The following MEMO1 variants were observed in gnomAD, a reference collection of about 807,000 sequenced individuals.
MEMO1 encodes the protein protein MEMO1.
In MEMO1, 6 loss-of-function variants were observed where a neutral mutation model predicts 45.2. The observed-to-expected ratio is 0.13, with a 90% CI of 0.07 to 0.26. The LOEUF (loss-of-function observed/expected upper bound fraction) is 0.26, where lower values mean the gene tolerates loss of function less well. Among genes scored for constraint, MEMO1 ranks in the 10% least tolerant of loss-of-function variants. The probability of loss-of-function intolerance (pLI) is 1.00; values close to 1 mark genes in which losing one functional copy is unlikely to be tolerated. For missense variants in MEMO1, 184 were observed against 370.5 expected (o/e 0.50, Z 4.13); for synonymous variants, 78 against 124.3 (o/e 0.63, Z 2.48).
intron 2 of MEMO1, among the ~76,000 whole-genome samples, chr2:31,969,077 C>A (rs767335299): frequency 1.3e-5 from 2 of 151,640 alleles, no homozygotes; most frequent in African/African-American, 4.8e-5. Flanking sequence ...TATGGACAAA[C>A]CAATTTTCCC....
In MEMO1 at chr2:31,963,143, A is replaced by G. The variant is rs537400490; in HGVS notation, c.62-19760T>C. The G allele has an allele frequency of 9.9e-6, 15 of 1,517,360 alleles. No homozygotes were observed. The African/African-American group carries it at 2.1e-4, about 21-fold the overall frequency. 94.0% of individuals were successfully genotyped at this position (1,517,360 alleles called of 1,614,324 possible). On this transcript the variant is annotated intron_variant, in intron 2 of 9. Transcript: ENST00000404530. ...TACACCATTAGCTCTCCCATTTCTTAGGGCTTCAGACTCAAAGTGAAACCG... is the reference window on the plus strand; with the variant it reads ...TACACCATTAGCTCTCCCATTTCTTGGGGCTTCAGACTCAAAGTGAAACCG...
At chr2:31,916,052 G>C (rs1681387652) in intron 6 of MEMO1, among the ~76,000 whole-genome samples, 1 of 152,008 alleles carries the variant, frequency 6.6e-6, no homozygotes, top group Non-Finnish European at 1.5e-5. Flanking sequence ...TAGTTTATTT[G>C]ATACTATTTA....
intron 2 of MEMO1, among the ~76,000 whole-genome samples, chr2:31,993,054 T>A (rs889601756): frequency 2.0e-5 from 3 of 152,128 alleles, no homozygotes; most frequent in African/African-American, 7.2e-5. Flanking sequence ...ATGCCTCTAG[T>A]CCCAGCTATT....
chr2:31,881,926 C>A (rs986656128), intron 8 of MEMO1, among the ~76,000 whole-genome samples: 5 of 152,178 alleles, frequency 3.3e-5, no homozygotes, highest in Non-Finnish European at 5.9e-5. Flanking sequence ...TGGCAGATCA[C>A]TTCTGCTCAG....
chr2:31,897,584 A>C (rs1181231196), intron 6 of MEMO1, among the ~76,000 whole-genome samples: 1 of 152,126 alleles, frequency 6.6e-6, no homozygotes, highest in Non-Finnish European at 1.5e-5. Flanking sequence ...ATCTTGATGG[A>C]TATGCGTTTT....
intron 7 of MEMO1, among the ~76,000 whole-genome samples, chr2:31,888,116 T>C (rs1385249070): frequency 6.6e-6 from 1 of 152,136 alleles, no homozygotes; most frequent in African/African-American, 2.4e-5. Context: ...AGTAAACTTA[T>C]CTAAACTGAT....
intron 2 of MEMO1, among the ~76,000 whole-genome samples, chr2:31,950,949 C>G (rs557630802): frequency 2.0e-4 from 30 of 152,216 alleles, no homozygotes; most frequent in African/African-American, 7.0e-4. Context: ...TCCTTCATAC[C>G]ATTAAGAGAA....
chr2:31,945,587 G>C (rs1240937045), intron 2 of MEMO1, among the ~76,000 whole-genome samples: 1 of 152,146 alleles, frequency 6.6e-6, no homozygotes, highest in African/African-American at 2.4e-5. Context: ...CCTGCTTAGA[G>C]ATGTATGTAA....
In MEMO1 at chr2:31,967,185, G is replaced by A. The variant is rs868020494; in HGVS notation, c.62-23802C>T. Among the ~76,000 whole-genome samples the A allele has an allele frequency of 1.4e-4, 21 of 149,924 alleles. No individual in the cohort carries two copies. In the East Asian group the frequency reaches 2.8e-3, roughly 20 times the overall value. On this transcript the variant is annotated intron_variant, in intron 2 of 9. Coordinates refer to ENST00000404530, the MANE Select transcript of MEMO1 (RefSeq NM_001301833.4). Reference sequence around the variant, plus strand: ...GTTGCCCAGGCTGGAGTGCAGCGGCGCCATCTCGGCTCACTGCAAGCTCCG... The same window carrying A: ...GTTGCCCAGGCTGGAGTGCAGCGGCACCATCTCGGCTCACTGCAAGCTCCG...
intron 7 of MEMO1, among the ~76,000 whole-genome samples, chr2:31,885,752 A>G (rs1257745823): frequency 3.3e-5 from 5 of 152,144 alleles, no homozygotes; most frequent in African/African-American, 9.7e-5. Context: ...TTTGGCTACT[A>G]TCAGTAAGCC....
chr2:31,972,911 T>C (rs1224224192), intron 2 of MEMO1, among the ~76,000 whole-genome samples: 1 of 152,196 alleles, frequency 6.6e-6, no homozygotes, highest in Non-Finnish European at 1.5e-5. Context: ...AAGATGATCA[T>C]CCTTTTTAGC....
At chr2:31,989,426 T>C (rs1671672304) in intron 2 of MEMO1, among the ~76,000 whole-genome samples, 1 of 152,190 alleles carries the variant, frequency 6.6e-6, no homozygotes, top group Admixed American at 6.5e-5. Flanking sequence ...GTGTGATTCT[T>C]TGACAACAAA....
intron 2 of MEMO1, among the ~76,000 whole-genome samples, chr2:31,966,687 C>G (rs962981737): frequency 7.3e-6 from 1 of 136,502 alleles, no homozygotes; most frequent in Non-Finnish European, 1.5e-5. Flanking sequence ...GAGCCCAGAT[C>G]GCACCACTGC....
chr2:31,933,336 AAAAAAAAAAAAAATTTAT>A (rs1664443192), intron 3 of MEMO1, among the ~76,000 whole-genome samples: 1 of 57,460 alleles, frequency 1.7e-5, no homozygotes, highest in African/African-American at 7.9e-5. Context: ...AAAAAAAAAA[AAAAAAAAAAAAAATTTAT>A]ATATATATAT....
chr2:31,881,610 GA>G (rs1421407059), intron 8 of MEMO1, among the ~76,000 whole-genome samples: 2 of 149,682 alleles, frequency 1.3e-5, no homozygotes, highest in African/African-American at 4.9e-5. Flanking sequence ...CAAATGAAGA[GA>G]AAAAAACAAA....
intron 2 of MEMO1, among the ~76,000 whole-genome samples, chr2:31,999,841 T>G (rs1266988558): frequency 6.6e-6 from 1 of 151,858 alleles, no homozygotes; most frequent in Non-Finnish European, 1.5e-5. Context: ...TATCCCCAGA[T>G]AATGTACAAT....
chr2:31,988,000 G>A (rs560044908), intron 2 of MEMO1, among the ~76,000 whole-genome samples: 3 of 152,124 alleles, frequency 2.0e-5, no homozygotes, highest in South Asian at 2.1e-4. Context: ...AGGAGTATGC[G>A]CAGAGTGTTA....
At chr2:32,003,319 TCTTTGAAATTATCAGA>T (rs1327590409) in intron 2 of MEMO1, among the ~76,000 whole-genome samples, 1 of 152,212 alleles carries the variant, frequency 6.6e-6, no homozygotes, top group African/African-American at 2.4e-5. Flanking sequence ...TCAAGAATGT[TCTTTGAAATTATCAGA>T]CTTTGGATAT....
chr2:31,923,399 T>C (rs1414433660), intron 4 of MEMO1: 2 of 320,236 alleles, frequency 6.2e-6, no homozygotes, highest in African/African-American at 2.1e-5. Flanking sequence ...TTATTAGCAC[T>C]GCTAATCCTC....
Sources: gnomAD v4.1 joint callset for allele counts (sites outside exome capture counted in the v4.1 genomes callset) on GRCh38, gnomAD v4.1.1 for gene constraint, MANE v1.5 for transcripts, NCBI Gene and HGNC (gene_info 2026-07-23, HGNC 2026-07-21) for gene names.